ZNF804A: variants seen among roughly 807,000 people sequenced by gnomAD.
The protein encoded by ZNF804A is zinc finger protein 804A.
In ZNF804A, 2 loss-of-function variants were observed where a neutral mutation model predicts 16.5. That is an observed-to-expected ratio of 0.12 (90% CI 0.05 to 0.38). ZNF804A has a LOEUF of 0.38. Ranked by LOEUF, ZNF804A falls within the 10% of genes least tolerant of loss-of-function variation. ZNF804A has a pLI of 0.99. For missense variants in ZNF804A, 1,473 were observed against 1,390.7 expected (o/e 1.06, Z -0.94); for synonymous variants, 534 against 489.6 (o/e 1.09, Z -1.20).
chr2:184,716,490 TAGTA>T (rs1693216189), intron 1 of ZNF804A, among the ~76,000 whole-genome samples: 1 of 152,146 alleles, frequency 6.6e-6, no homozygotes, highest in African/African-American at 2.4e-5. Context: ...TTTTGCAATA[TAGTA>T]AGTGTTACAG....
intron 3 of ZNF804A, among the ~76,000 whole-genome samples, chr2:184,934,930 A>G (rs2105843114): frequency 6.6e-6 from 1 of 152,254 alleles, no homozygotes; most frequent in South Asian, 2.1e-4. Flanking sequence ...GTTAGTGGTT[A>G]GATAAAGGAA....
chr2:184,890,321 A>G (rs191595151), intron 2 of ZNF804A, among the ~76,000 whole-genome samples: 44 of 152,272 alleles, frequency 2.9e-4, no homozygotes, highest in African/African-American at 9.9e-4. Context: ...TATTTTCACC[A>G]CAGACATTGC....
chr2:184,746,502 T>C (rs1450630275), intron 1 of ZNF804A, among the ~76,000 whole-genome samples: 1 of 151,550 alleles, frequency 6.6e-6, no homozygotes, highest in Non-Finnish European at 1.5e-5. Flanking sequence ...TCAGGGTGAA[T>C]GGGGTATAAA....
chr2:184,609,568 G>A (rs969553577), intron 1 of ZNF804A, among the ~76,000 whole-genome samples: 2 of 152,200 alleles, frequency 1.3e-5, no homozygotes, highest in African/African-American at 2.4e-5. Flanking sequence ...CTGGAGTCTG[G>A]GAAGTCCAAG....
chr2:184,753,932 A>G (rs1010704228), intron 1 of ZNF804A, among the ~76,000 whole-genome samples: 3 of 151,914 alleles, frequency 2.0e-5, no homozygotes, highest in South Asian at 2.1e-4. Context: ...TAGATAAATA[A>G]TACTTATTTT....
At chr2:184,620,073 TATG>T (rs1301611084) in intron 1 of ZNF804A, among the ~76,000 whole-genome samples, 4 of 151,882 alleles carry the variant, frequency 2.6e-5, no homozygotes, top group Admixed American at 2.0e-4. Flanking sequence ...TTATGAATAA[TATG>T]ATAAACACTT....
At chr2:184,804,054 C>T (rs779448819) in intron 1 of ZNF804A, among the ~76,000 whole-genome samples, 16 of 152,020 alleles carry the variant, frequency 1.1e-4, no homozygotes, top group South Asian at 4.1e-4. Context: ...TTAGTAGAGA[C>T]GGAGTTTCAC....
chr2:184,707,605 G>T (rs991757899), intron 1 of ZNF804A, among the ~76,000 whole-genome samples: 8 of 152,072 alleles, frequency 5.3e-5, no homozygotes, highest in Non-Finnish European at 1.0e-4. Flanking sequence ...CCATGTTGCT[G>T]CAAAGAACAC....
At chr2:184,823,470 T>C (rs1695116030) in intron 1 of ZNF804A, among the ~76,000 whole-genome samples, 1 of 152,166 alleles carries the variant, frequency 6.6e-6, no homozygotes. Flanking sequence ...TTACTGATAG[T>C]AGTATTCCCA....
chr2:184,618,228 CTTTCA>C (rs1167112576), intron 1 of ZNF804A, among the ~76,000 whole-genome samples: 2 of 151,954 alleles, frequency 1.3e-5, no homozygotes, highest in African/African-American at 2.4e-5. Context: ...ATAATTTGCT[CTTTCA>C]TTTCTTTGTT....
chr2:184,823,816 T>A (rs1334889158), intron 1 of ZNF804A, among the ~76,000 whole-genome samples: 1 of 152,164 alleles, frequency 6.6e-6, no homozygotes, highest in African/African-American at 2.4e-5. Flanking sequence ...TTTACAATTA[T>A]TAGTTTGTTG....
At chr2:184,854,178 C>G (rs943234141) in intron 1 of ZNF804A, among the ~76,000 whole-genome samples, 2 of 151,774 alleles carry the variant, frequency 1.3e-5, no homozygotes, top group African/African-American at 4.8e-5. Context: ...CTGAAATGCT[C>G]CAAAATCTGA....
Position 184,933,693 on chromosome 2 carries a change from C to T in ZNF804A, c.346C>T (p.Arg116Cys), listed in dbSNP as rs570089006. ...AAGAAAACAGGAAAAGGCACTCCAA[C>T]GCCTGCACAAGCTGGCTGAGCTAAG... is the stretch of plus-strand genomic sequence containing the variant. ...DERKQEKALQRLHKLAELRKE... is the reference protein window; with the variant it reads ...DERKQEKALQCLHKLAELRKE... Residue 116 changes from arginine (R) to cysteine (C), a missense_variant, in exon 3 of 4, where the codon CGC (arginine) becomes TGC (cysteine). By Grantham distance (180) the Arg-to-Cys change is radical. Coordinates refer to ENST00000302277, the MANE Select transcript of ZNF804A (RefSeq NM_194250.2). 8.7e-6 allele frequency: 14 copies of T among 1,608,758 alleles called. No individual in the cohort carries two copies. The highest frequency in any genetic ancestry group is 6.7e-5 in the East Asian group (3 of 44,710).
chr2:184,752,436 A>G (rs959816699), intron 1 of ZNF804A, among the ~76,000 whole-genome samples: 1 of 151,604 alleles, frequency 6.6e-6, no homozygotes, highest in Admixed American at 6.6e-5. Context: ...ATGAGTACAC[A>G]TGGACATAAA....
At chr2:184,615,233 G>A (rs1427612861) in intron 1 of ZNF804A, among the ~76,000 whole-genome samples, 1 of 152,178 alleles carries the variant, frequency 6.6e-6, no homozygotes, top group Non-Finnish European at 1.5e-5. Context: ...CATGCCCTTT[G>A]CAGGGATATG....
At chr2:184,672,879 C>T (rs1364965032) in intron 1 of ZNF804A, among the ~76,000 whole-genome samples, 2 of 152,090 alleles carry the variant, frequency 1.3e-5, no homozygotes, top group African/African-American at 4.8e-5. Flanking sequence ...GTAGCTGGGA[C>T]TACAGGCATC....
At chr2:184,833,693 A>G (rs1695300452) in intron 1 of ZNF804A, among the ~76,000 whole-genome samples, 2 of 152,060 alleles carry the variant, frequency 1.3e-5, no homozygotes, top group Admixed American at 6.6e-5. Context: ...TTTCACAAGA[A>G]TATCATGAAA....
At chr2:184,922,707 TTC>T (rs1437768338) in intron 2 of ZNF804A, among the ~76,000 whole-genome samples, 13 of 152,140 alleles carry the variant, frequency 8.5e-5, no homozygotes, top group Admixed American at 4.6e-4. Context: ...CCCCAGTGTT[TTC>T]TTTTAGTTTT....
intron 2 of ZNF804A, among the ~76,000 whole-genome samples, chr2:184,932,000 T>C (rs1351061576): frequency 6.6e-6 from 1 of 151,998 alleles, no homozygotes; most frequent in Non-Finnish European, 1.5e-5. Flanking sequence ...ATAACAAGAG[T>C]AACAGAGTAA....
Sources: gnomAD v4.1 joint callset for allele counts (sites outside exome capture counted in the v4.1 genomes callset) on GRCh38, gnomAD v4.1.1 for gene constraint, MANE v1.5 for transcripts, NCBI Gene and HGNC (gene_info 2026-07-23, HGNC 2026-07-21) for gene names.